The following ZNF573 variants were observed in gnomAD, a reference collection of about 807,000 sequenced individuals.
ZNF573 encodes zinc finger protein 573.
Under a neutral mutation model 57.4 loss-of-function variants are expected in ZNF573, and 41 were observed. That is an observed-to-expected ratio of 0.71 (90% CI 0.56 to 0.93). The LOEUF (loss-of-function observed/expected upper bound fraction) is 0.93. ZNF573 is among the 40% of genes least tolerant of loss of function. The pLI, the probability that ZNF573 is intolerant of heterozygous loss-of-function variation, is 0.00. For missense variants in ZNF573, 730 were observed against 794.8 expected (o/e 0.92, Z 0.98); for synonymous variants, 249 against 261.0 (o/e 0.95, Z 0.44).
In ZNF573 at chr19:37,739,840, G is replaced by GT; in HGVS notation, c.649dup (p.Thr217AsnfsTer3). ...CTTCCCACACTGCCTACATTCATAG[G>GT]TTTTCTCACCAGTATGAAATCTCTG... is the stretch of plus-strand genomic sequence containing the variant. On this transcript the variant is annotated frameshift_variant, in exon 5 of 5. Coordinates refer to ENST00000536220, the MANE Select transcript of ZNF573 (RefSeq NM_001172690.2). LOFTEE classifies it high-confidence loss of function. 1 of 1,613,896 alleles carries GT rather than the reference G, an allele frequency of 6.2e-7. No individual in the cohort carries two copies. Among genetic ancestry groups the GT allele is most frequent in the Middle Eastern group, 1.7e-4 (1 of 6,060 alleles).
At chr19:37,769,743 A>AC (rs2045637169) in intron 4 of ZNF573, among the ~76,000 whole-genome samples, 1 of 151,306 alleles carries the variant, frequency 6.6e-6, no homozygotes, top group Non-Finnish European at 1.5e-5. Context: ...AAAAAAAAAA[A>AC]AAAAAAAGAA....
intron 4 of ZNF573, among the ~76,000 whole-genome samples, chr19:37,767,485 G>A (rs1307060743): frequency 2.0e-5 from 3 of 151,976 alleles, no homozygotes; most frequent in Admixed American, 6.6e-5. Context: ...TGCCCGCCTC[G>A]GCCTCCCAAA....
At chr19:37,776,317 C>T (rs1251199585) in intron 1 of ZNF573, among the ~76,000 whole-genome samples, 1 of 152,032 alleles carries the variant, frequency 6.6e-6, no homozygotes, top group Non-Finnish European at 1.5e-5. Flanking sequence ...ATAGAGAACC[C>T]AGAATAAAGC....
intron 4 of ZNF573, among the ~76,000 whole-genome samples, chr19:37,750,794 G>C (rs2045426675): frequency 6.9e-6 from 1 of 145,598 alleles, no homozygotes; most frequent in Admixed American, 7.1e-5. Flanking sequence ...TCACACTACT[G>C]TACTCCAACC....
Position 37,768,262 on chromosome 19 carries a change from A to C in ZNF573, c.295+1743T>G, listed in dbSNP as rs145437226. On this transcript the variant is annotated intron_variant, in intron 4 of 4. Transcript: ENST00000536220. Reference sequence around the variant, plus strand: ...TACATCATTGGTTCTAATCCTTCTTATTCCCAAAAATTCAAATTCAACAAT... The same window carrying C: ...TACATCATTGGTTCTAATCCTTCTTCTTCCCAAAAATTCAAATTCAACAAT... Among the ~76,000 whole-genome samples, 23 of 152,188 alleles carry C rather than the reference A, an allele frequency of 1.5e-4. No homozygotes were observed. The East Asian group carries it at 4.2e-3, about 28-fold the overall frequency.
At chr19:37,773,774 A>G (rs997887521) in intron 1 of ZNF573, 23 bp from the exon 2 acceptor site, 4 of 1,387,508 alleles carry the variant, frequency 2.9e-6, no homozygotes, top group South Asian at 1.2e-5. Context: ...AAGAGATGTT[A>G]GTGTTCCCAA....
In ZNF573 at chr19:37,739,078, T is replaced by C. The variant is rs1391907917; in HGVS notation, c.1412A>G (p.Glu471Gly). The change falls in exon 5 of 5, where the codon GAA (glutamate) becomes GGA (glycine). Residue 471 changes from glutamate (E) to glycine (G), a missense_variant. Glu to Gly is a moderately conservative substitution (Grantham distance 98, BLOSUM62 -2). Transcript: ENST00000536220. ...ATAGGCCTTCCCACATTCCTGACAT[T>C]CAAAAAGTTTCTTACCAGTGTGAAT... ...QNIHTGKKLFECQECGKAYST... is the reference protein window; with the variant it reads ...QNIHTGKKLFGCQECGKAYST... 10 of 1,612,860 alleles carry C rather than the reference T, an allele frequency of 6.2e-6. No homozygotes were observed. Among genetic ancestry groups the C allele is most frequent in the Non-Finnish European group, 8.5e-6 (10 of 1,179,694 alleles).
chr19:37,752,628 G>A (rs1167622874), intron 4 of ZNF573, among the ~76,000 whole-genome samples: 1 of 150,970 alleles, frequency 6.6e-6, no homozygotes, highest in Non-Finnish European at 1.5e-5. Flanking sequence ...CAATGTGTAT[G>A]AGCTTTCTTT....
At chr19:37,749,667 C>T (rs2045415096) in intron 4 of ZNF573, among the ~76,000 whole-genome samples, 1 of 151,970 alleles carries the variant, frequency 6.6e-6, no homozygotes, top group Non-Finnish European at 1.5e-5. Flanking sequence ...ACAGAAGAGC[C>T]AAAACGGCAG....
chr19:37,773,248 T>G (rs1320547729), intron 2 of ZNF573, among the ~76,000 whole-genome samples: 1 of 152,240 alleles, frequency 6.6e-6, no homozygotes, highest in Non-Finnish European at 1.5e-5. Flanking sequence ...ACAGACCAAT[T>G]GATAACCAAA....
Position 37,738,717 on chromosome 19 carries a change from A to G in ZNF573, c.1773T>C (p.Phe591=). 1.2e-6 allele frequency: 2 copies of G among 1,612,742 alleles called. No individual in the cohort carries two copies. Among genetic ancestry groups the G allele is most frequent in the Non-Finnish European group, 1.7e-6 (2 of 1,179,602 alleles). Residue 591 remains phenylalanine (F), a synonymous_variant, in exon 5 of 5, where the codon TTT becomes TTC. Coordinates refer to ENST00000536220, the MANE Select transcript of ZNF573 (RefSeq NM_001172690.2). Reference sequence around the variant, plus strand: ...GTTGGGTAAGGTAGCCATACATTTTAAAGGCCTTTCCACATTCTTTACATT... The same window carrying G: ...GTTGGGTAAGGTAGCCATACATTTTGAAGGCCTTTCCACATTCTTTACATT... ...PYECKECGKA[F]KMYGYLTQHQ...
Position 37,768,541 on chromosome 19 carries a change from A to C in ZNF573, c.295+1464T>G, listed in dbSNP as rs552301430. Among the ~76,000 whole-genome samples, 39 of 152,258 alleles carry C rather than the reference A, an allele frequency of 2.6e-4. No homozygotes were observed. The South Asian group carries it at 6.2e-3, about 24-fold the overall frequency. ...TGACCTTATACCATGTCTCTTTCCA[A>C]ATACTACTGCCCCAAAGAAGCTGTC... is the stretch of plus-strand genomic sequence containing the variant. On this transcript the variant is annotated intron_variant, in intron 4 of 4. Coordinates refer to ENST00000536220, the MANE Select transcript of ZNF573 (RefSeq NM_001172690.2).
intron 4 of ZNF573, among the ~76,000 whole-genome samples, chr19:37,742,334 T>G (rs2045335164): frequency 6.6e-6 from 1 of 152,124 alleles, no homozygotes; most frequent in African/African-American, 2.4e-5. Context: ...TGTTTTAAAT[T>G]TTATATGGAA....
At chr19:37,751,752 G>A (rs1194767583) in intron 4 of ZNF573, among the ~76,000 whole-genome samples, 19 of 85,848 alleles carry the variant, frequency 2.2e-4, no homozygotes, top group South Asian at 4.3e-4. Context: ...ACATAGTACC[G>A]TATATACTGT....
chr19:37,753,891 T>C (rs1044756666), intron 4 of ZNF573, among the ~76,000 whole-genome samples: 12 of 152,196 alleles, frequency 7.9e-5, no homozygotes, highest in African/African-American at 2.7e-4. Context: ...AATTAAGAAT[T>C]TGATATCCAA....
chr19:37,756,175 G>A (rs980388084), intron 4 of ZNF573, among the ~76,000 whole-genome samples: 4 of 152,044 alleles, frequency 2.6e-5, no homozygotes, highest in Admixed American at 6.6e-5. Flanking sequence ...GATCAATGTC[G>A]GCCTACCAAC....
At chr19:37,765,465 C>T (rs1176893272) in intron 4 of ZNF573, among the ~76,000 whole-genome samples, 1 of 152,022 alleles carries the variant, frequency 6.6e-6, no homozygotes, top group African/African-American at 2.4e-5. Flanking sequence ...AATCCCAGCA[C>T]TTTGGGAGGC....
chr19:37,745,570 A>C (rs1470023741), intron 4 of ZNF573, among the ~76,000 whole-genome samples: 1 of 151,770 alleles, frequency 6.6e-6, no homozygotes, highest in African/African-American at 2.4e-5. Context: ...TAATTTTTGT[A>C]TTTTTAGTAG....
At chr19:37,754,537 AT>A (rs1486171155) in intron 4 of ZNF573, among the ~76,000 whole-genome samples, 4,026 of 145,278 alleles carry the variant, frequency 0.028, 168 homozygotes, top group African/African-American at 0.098. Context: ...AAAAAAAAAA[AT>A]GAAACCAGAA....
Sources: gnomAD v4.1 joint callset for allele counts (sites outside exome capture counted in the v4.1 genomes callset) on GRCh38, gnomAD v4.1.1 for gene constraint, MANE v1.5 for transcripts, NCBI Gene and HGNC (gene_info 2026-07-23, HGNC 2026-07-21) for gene names.